The following ITCH variants were observed in gnomAD, a reference collection of about 807,000 sequenced individuals.
ITCH encodes the protein E3 ubiquitin-protein ligase Itchy homolog.
A neutral mutation model predicts 126.8 loss-of-function variants in ITCH; 28 were observed. The observed-to-expected ratio is 0.22, with a 90% confidence interval of 0.16 to 0.30. The LOEUF (loss-of-function observed/expected upper bound fraction) is 0.30, where lower values mean the gene tolerates loss of function less well. Among genes scored for constraint, ITCH ranks in the 10% least tolerant of loss-of-function variants. The pLI, the probability that ITCH is intolerant of heterozygous loss-of-function variation, is 1.00. For synonymous variants in ITCH, 342 were observed against 340.0 expected, an observed-to-expected ratio of 1.01 and a Z score of -0.06; for missense variants, 631 against 1,032.4, an observed-to-expected ratio of 0.61 and a Z score of 5.33.
At position 34,479,763 on chromosome 20, in the gene ITCH, C is replaced by T. The variant is rs757758667; in HGVS notation, c.1792C>T (p.Arg598Cys). The change falls in exon 18 of 25, where the codon CGT (arginine) becomes TGT (cysteine). Residue 598 changes from arginine to cysteine, a missense_variant. Physicochemically the swap from Arg to Cys is radical, Grantham distance 180. Around this residue, in one of 4 missense-constraint regions of ITCH, gnomAD observed 390 missense variants for 731.6 expected, o/e 0.53. Transcript: ENST00000374864. ...CAATCCAGATCACCTGAAATATTTTCGTTTTATTGGCAGATTTATTGCCAT... is the reference window on the plus strand; with the variant it reads ...CAATCCAGATCACCTGAAATATTTTTGTTTTATTGGCAGATTTATTGCCAT... ...YINPDHLKYFRFIGRFIAMAL... is the reference protein window; with the variant it reads ...YINPDHLKYFCFIGRFIAMAL... 6 of 1,613,902 alleles carry T rather than the reference C, an allele frequency of 3.7e-6. No individual in the cohort carries two copies. The highest frequency in any genetic ancestry group is 2.2e-5 in the East Asian group (1 of 44,854).
chr20:34,442,144 ACAGGATTAAAAAG>A, intron 9 of ITCH, 51 bp from the exon 10 acceptor site: 2 of 1,142,378 alleles, frequency 1.8e-6, no homozygotes, highest in Non-Finnish European at 2.7e-6. Flanking sequence ...AAATGCAAAG[ACAGGATTAAAAAG>A]CCAGGTAACT....
intron 16 of ITCH, among the ~76,000 whole-genome samples, chr20:34,475,436 C>T (rs1052603690): frequency 2.0e-5 from 3 of 152,206 alleles, no homozygotes; most frequent in African/African-American, 7.2e-5. Flanking sequence ...GCGGATCACT[C>T]GCGGTTAGGA....
intron 5 of ITCH, among the ~76,000 whole-genome samples, chr20:34,413,003 T>A (rs1323928819): frequency 6.8e-6 from 1 of 147,178 alleles, no homozygotes; most frequent in Non-Finnish European, 1.5e-5. Flanking sequence ...TTTCAGATGC[T>A]TTTTTTTTTG....
At position 34,509,097 on chromosome 20, in the gene ITCH, C is replaced by T. The variant is rs561235595; in HGVS notation, c.*1303C>T. 1 of 152,722 alleles carries T rather than the reference C, an allele frequency of 6.5e-6. No individual in the cohort carries two copies. The highest frequency in any genetic ancestry group is 2.4e-5 in the African/African-American group (1 of 41,560). 9.5% of individuals were successfully genotyped at this position (152,722 alleles called of 1,614,324 possible). A position where few individuals can be genotyped will look rare whatever the true frequency, so the allele number is the denominator to read the frequency against. On this transcript the variant is annotated 3_prime_UTR_variant, in exon 25 of 25. Transcript: ENST00000374864. Reference sequence around the variant, plus strand: ...ATAACCCTCATCTGCAATATTTTCACCCCTAAAATTTTTAACAGGGTTTCC... The same window carrying T: ...ATAACCCTCATCTGCAATATTTTCATCCCTAAAATTTTTAACAGGGTTTCC...
At chr20:34,372,442 G>A (rs1400695078) in intron 2 of ITCH, among the ~76,000 whole-genome samples, 2 of 129,600 alleles carry the variant, frequency 1.5e-5, no homozygotes, top group Non-Finnish European at 3.1e-5. Context: ...GTGCAGTGGC[G>A]CAATCTCAGC....
chr20:34,507,683 T>A lies in ITCH; in HGVS notation c.2490-12T>A, dbSNP rs746159840. The A allele has an allele frequency of 1.2e-6, 2 of 1,602,268 alleles. No homozygotes were observed. The highest frequency in any genetic ancestry group is 2.7e-5 in the African/African-American group (2 of 74,674). On this transcript the variant is annotated splice_polypyrimidine_tract_variant and intron_variant, in intron 24 of 24. Transcript: ENST00000374864. ...TATTTCCTTTTCTCAAACTAACAAT[T>A]CTTGCTTTTAGTTTTAATCGCCTGG...
In ITCH at chr20:34,481,140, G is replaced by A; in HGVS notation, c.2027G>A (p.Ser676Asn). The A allele has an allele frequency of 6.2e-7, 1 of 1,613,268 alleles. No individual in the cohort carries two copies. The highest frequency in any genetic ancestry group is 1.1e-5 in the South Asian group (1 of 91,070). ...AAAGAAATTCTAGGTGAAATTAAGA[G>A]TCATGATCTGAAACCTAATGGTGGC... Reference protein sequence around the residue: ...VDKEILGEIKSHDLKPNGGNI... With the variant: ...VDKEILGEIKNHDLKPNGGNI... The change falls in exon 20 of 25, where the codon AGT becomes AAT. Residue 676 changes from serine (S) to asparagine (N), a missense_variant. Ser to Asn is a conservative substitution (Grantham distance 46). Around this residue, in one of 4 missense-constraint regions of ITCH, gnomAD observed 390 missense variants for 731.6 expected, o/e 0.53. Transcript: ENST00000374864.
chr20:34,462,915 G>A (rs146800658), intron 14 of ITCH, among the ~76,000 whole-genome samples: 22 of 152,284 alleles, frequency 1.4e-4, no homozygotes, highest in Non-Finnish European at 2.8e-4. Context: ...ATTTATCCGT[G>A]TTGTAATATG....
intron 3 of ITCH, among the ~76,000 whole-genome samples, chr20:34,402,852 T>A (rs2038934021): frequency 6.6e-6 from 1 of 152,230 alleles, no homozygotes; most frequent in Admixed American, 6.5e-5. Context: ...GCCAGAAATT[T>A]CTTATATTCT....
chr20:34,491,975 T>C (rs948850809), intron 22 of ITCH, among the ~76,000 whole-genome samples: 6 of 151,954 alleles, frequency 3.9e-5, no homozygotes, highest in African/African-American at 1.5e-4. Flanking sequence ...GAATATCCTA[T>C]AGGACGGGCA....
intron 4 of ITCH, among the ~76,000 whole-genome samples, chr20:34,409,047 A>G (rs1405995837): frequency 6.6e-6 from 1 of 151,468 alleles, no homozygotes; most frequent in African/African-American, 2.4e-5. Context: ...GTCACTGAAC[A>G]ATAGCTGAAG....
At position 34,507,800 on chromosome 20, in the gene ITCH, G is replaced by A; in HGVS notation, c.*6G>A. Reference sequence around the variant, plus strand: ...AAGGATTTGGACAAGAGTAACTTCTGAGAACTTGCACCATGAATGGGCAAG... The same window carrying A: ...AAGGATTTGGACAAGAGTAACTTCTAAGAACTTGCACCATGAATGGGCAAG... On this transcript the variant is annotated 3_prime_UTR_variant, in exon 25 of 25. Coordinates refer to ENST00000374864, the MANE Select transcript of ITCH (RefSeq NM_031483.7). The A allele has an allele frequency of 6.2e-7, 1 of 1,605,286 alleles. No individual in the cohort carries two copies. The highest frequency in any genetic ancestry group is 1.3e-5 in the African/African-American group (1 of 74,844).
chr20:34,482,915 G>A (rs895925629), intron 20 of ITCH, among the ~76,000 whole-genome samples: 6 of 152,142 alleles, frequency 3.9e-5, no homozygotes, highest in East Asian at 1.9e-4. Flanking sequence ...GAAATCTAGA[G>A]GGAGGTTCCC....
In ITCH at chr20:34,424,540, A is replaced by G. The variant is rs1427397336; in HGVS notation, c.521+15A>G. 6.2e-7 allele frequency: 1 copy of G among 1,602,684 alleles called. No homozygotes were observed. The highest frequency in any genetic ancestry group is 8.5e-7 in the Non-Finnish European group (1 of 1,169,754). On this transcript the variant is annotated intron_variant, in intron 7 of 24. Coordinates refer to ENST00000374864, the MANE Select transcript of ITCH (RefSeq NM_031483.7). Reference sequence around the variant, plus strand: ...GATGAAACAAGGTAAGCATTCACTGATTGCTTACCACAGAATGCGGAGAGA... The same window carrying G: ...GATGAAACAAGGTAAGCATTCACTGGTTGCTTACCACAGAATGCGGAGAGA...
intron 3 of ITCH, chr20:34,402,149 T>G: frequency 9.1e-7 from 1 of 1,103,948 alleles, no homozygotes; most frequent in Non-Finnish European, 1.4e-6. Context: ...GAGATGTTCC[T>G]AGCAGCACAC....
rs558938341 is a variant in ITCH at position 34,374,565 on chromosome 20, C to G, written c.-22+5095C>G. Among the ~76,000 whole-genome samples, 10 of 152,172 alleles carry G rather than the reference C, an allele frequency of 6.6e-5. No individual in the cohort carries two copies. The South Asian group carries it at 2.1e-3, about 32-fold the overall frequency. On this transcript the variant is annotated intron_variant, in intron 2 of 24. Coordinates refer to ENST00000374864, the MANE Select transcript of ITCH (RefSeq NM_031483.7). ...CTTTCTTAAAGTTATGATCTGAGTTCATAAATCATTCAGTAAACCTATTTA... is the reference window on the plus strand; with the variant it reads ...CTTTCTTAAAGTTATGATCTGAGTTGATAAATCATTCAGTAAACCTATTTA...
chr20:34,496,818 A>G (rs1224674503), intron 23 of ITCH, among the ~76,000 whole-genome samples: 4 of 151,770 alleles, frequency 2.6e-5, no homozygotes, highest in African/African-American at 7.3e-5. Flanking sequence ...AAAAAAAAAA[A>G]AAAGAAAAGA....
intron 3 of ITCH, among the ~76,000 whole-genome samples, chr20:34,406,794 A>G (rs1023449282): frequency 6.6e-6 from 1 of 152,142 alleles, no homozygotes; most frequent in Non-Finnish European, 1.5e-5. Flanking sequence ...TCAGTCTCCC[A>G]AAGTGCTGGG....
chr20:34,410,634 C>G (rs900593548), intron 4 of ITCH, among the ~76,000 whole-genome samples: 4 of 152,088 alleles, frequency 2.6e-5, no homozygotes, highest in African/African-American at 9.7e-5. Context: ...GGTGCTTTAG[C>G]CCAGGAGGAG....
Sources: allele counts gnomAD v4.1 joint callset (sites outside exome capture counted in the v4.1 genomes callset), GRCh38; gene constraint gnomAD v4.1.1; regional missense constraint gnomAD v4.1.1; transcripts MANE v1.5; gene names NCBI Gene and HGNC (gene_info 2026-07-23, HGNC 2026-07-21).